HERC6: variants seen among roughly 807,000 people sequenced by gnomAD.
HERC6 encodes HECT and RLD domain containing E3 ubiquitin protein ligase family member 6.
Under a neutral mutation model 114.5 loss-of-function variants are expected in HERC6, and 101 were observed. The ratio of observed to expected loss-of-function variants is 0.88; its 90% CI spans 0.75 to 1.04. The LOEUF (loss-of-function observed/expected upper bound fraction) is 1.04. HERC6 is among the 50% of genes least tolerant of loss of function. The probability of loss-of-function intolerance (pLI) is 0.00; values close to 1 mark genes in which losing one functional copy is unlikely to be tolerated. For synonymous variants in HERC6, 408 were observed against 436.2 expected (o/e 0.94, Z 0.81); for missense variants, 1,133 against 1,230.9 (o/e 0.92, Z 1.19).
At position 88,379,121 on chromosome 4, in the gene HERC6, G is replaced by A. The variant is rs1480698169; in HGVS notation, c.199+1G>A. 1 of 1,538,894 alleles carries A rather than the reference G, an allele frequency of 6.5e-7. No homozygotes were observed. Among genetic ancestry groups the A allele is most frequent in the Non-Finnish European group, 8.7e-7 (1 of 1,145,012 alleles). On this transcript the variant is annotated splice_donor_variant, in intron 1 of 22. Transcript: ENST00000264346. LOFTEE classifies it high-confidence loss of function. ...GGCGCGCAGCGCGGGGAGCTGCCAGGTGAGCGGGGGGCCCCAGGTGCAGGG... is the reference window on the plus strand; with the variant it reads ...GGCGCGCAGCGCGGGGAGCTGCCAGATGAGCGGGGGGCCCCAGGTGCAGGG...
chr4:88,400,101 G>A (rs1180344027), intron 8 of HERC6, among the ~76,000 whole-genome samples: 1 of 152,188 alleles, frequency 6.6e-6, no homozygotes, highest in Non-Finnish European at 1.5e-5. Flanking sequence ...TGTGAGGGGG[G>A]ACCCATCTGA....
chr4:88,428,805 T>C (rs911583183), intron 16 of HERC6, 55 bp downstream of exon 16: 1 of 1,374,266 alleles, frequency 7.3e-7, no homozygotes, highest in African/African-American at 1.5e-5. Context: ...GATGCATTCA[T>C]ATGATGTAAC....
rs1376949084 is a variant in HERC6, at chr4:88,390,838, A to T, written c.623A>T (p.Asn208Ile). 5 of 1,614,104 alleles carry T rather than the reference A, an allele frequency of 3.1e-6. No homozygotes were observed. ...LCGTSFGWGS[N>I]SAGQLALSGR... The stretch of plus-strand genomic sequence containing the variant: ...GGGACTTCGTTTGGCTGGGGAAGTA[A>T]CAGTGCCGGGCAGCTGGCCCTCAGT... Residue 208 changes from asparagine (N) to isoleucine (I), a missense_variant, in exon 4 of 23, where the codon AAC (asparagine) becomes ATC (isoleucine). Coordinates refer to ENST00000264346, the MANE Select transcript of HERC6 (RefSeq NM_017912.4).
intron 11 of HERC6, among the ~76,000 whole-genome samples, chr4:88,409,145 T>C (rs761651319): frequency 3.1e-4 from 47 of 152,252 alleles, no homozygotes; most frequent in Admixed American, 1.5e-3. Flanking sequence ...GCAAATCTTA[T>C]GACCTCCAGA....
At chr4:88,422,339 G>T (rs1036498322) in intron 13 of HERC6, among the ~76,000 whole-genome samples, 2 of 152,078 alleles carry the variant, frequency 1.3e-5, no homozygotes, top group African/African-American at 4.8e-5. Flanking sequence ...AGGACAACCA[G>T]TATAATGTTT....
At position 88,400,115 on chromosome 4, in the gene HERC6, G is replaced by A. The variant is rs1184356501; in HGVS notation, c.1092+1906G>A. ...ATGTGAGGGGGGACCCATCTGAAATGTGCTTGGAAAGGAGACCTAGAGACT... is the reference window on the plus strand; with the variant it reads ...ATGTGAGGGGGGACCCATCTGAAATATGCTTGGAAAGGAGACCTAGAGACT... On this transcript the variant is annotated intron_variant, in intron 8 of 22. Transcript: ENST00000264346. 2.0e-5 allele frequency among the ~76,000 whole-genome samples: 3 copies of A among 152,242 alleles called. No homozygotes were observed. In the East Asian group the frequency reaches 5.8e-4, roughly 29 times the overall value.
At chr4:88,381,882 G>A (rs925374692) in intron 1 of HERC6, among the ~76,000 whole-genome samples, 3 of 152,036 alleles carry the variant, frequency 2.0e-5, no homozygotes, top group African/African-American at 7.3e-5. Context: ...CCAGAGATGG[G>A]AGCTTCTCAC....
chr4:88,436,713 T>C (rs1462302298), intron 18 of HERC6, among the ~76,000 whole-genome samples, 192 bp from the exon 19 acceptor site: 1 of 152,158 alleles, frequency 6.6e-6, no homozygotes, highest in East Asian at 1.9e-4. Context: ...GTCTATGTAG[T>C]AACAATGGTC....
At chr4:88,380,346 TAATATA>T (rs1189680341) in intron 1 of HERC6, among the ~76,000 whole-genome samples, 2 of 12,230 alleles carry the variant, frequency 1.6e-4, no homozygotes, top group Non-Finnish European at 2.5e-4. Context: ...AATATATATA[TAATATA>T]AATATATATA....
At chr4:88,397,581 C>T (rs1225796464) in intron 7 of HERC6, among the ~76,000 whole-genome samples, 1 of 151,678 alleles carries the variant, frequency 6.6e-6, no homozygotes, top group Admixed American at 6.6e-5. Flanking sequence ...CCTGTAATCC[C>T]AGCTACCTAG....
intron 15 of HERC6, among the ~76,000 whole-genome samples, chr4:88,426,436 G>A (rs1234799150): frequency 1.3e-5 from 2 of 151,470 alleles, no homozygotes; most frequent in South Asian, 2.1e-4. Flanking sequence ...CCAAAGTGCT[G>A]GGATTACAGG....
chr4:88,430,057 A>G (rs945798625), intron 16 of HERC6, among the ~76,000 whole-genome samples: 2 of 152,204 alleles, frequency 1.3e-5, no homozygotes, highest in Non-Finnish European at 2.9e-5. Context: ...CAGAAGGGAA[A>G]GTGGGGCAGG....
rs1738151878 is a variant in HERC6, at chr4:88,431,098, C to T, written c.2107-64C>T. 6.2e-6 allele frequency: 9 copies of T among 1,462,814 alleles called. No individual in the cohort carries two copies. The South Asian group carries it at 6.4e-5, about 10-fold the overall frequency. 90.6% of individuals were successfully genotyped at this position (1,462,814 alleles called of 1,614,324 possible). ...AAGAATGGTCGTTAGAGGTTTAAAA[C>T]TTCCATAAAGCTCAAAACATTGTAT... On this transcript the variant is annotated intron_variant, in intron 16 of 22. Coordinates refer to ENST00000264346, the MANE Select transcript of HERC6 (RefSeq NM_017912.4).
intron 3 of HERC6, 26 bp from the exon 4 acceptor site, chr4:88,390,626 T>C (rs760509395): frequency 1.3e-5 from 20 of 1,564,798 alleles, no homozygotes; most frequent in Non-Finnish European, 1.7e-5. Flanking sequence ...ATGTGTACAA[T>C]TCTTAATTTC....
chr4:88,438,125 CAAAAAAAAAA>C, intron 20 of HERC6, among the ~76,000 whole-genome samples: 1 of 43,952 alleles, frequency 2.3e-5, no homozygotes, highest in African/African-American at 8.4e-5. Flanking sequence ...GACTGTGTCT[CAAAAAAAAAA>C]AAAAAAAAAA....
intron 12 of HERC6, among the ~76,000 whole-genome samples, chr4:88,414,310 ATT>A (rs58308049): frequency 5.0e-4 from 74 of 148,458 alleles, no homozygotes; most frequent in African/African-American, 1.5e-3. Context: ...GACTCTACCA[ATT>A]TTTTTTTTTT....
intron 20 of HERC6, 127 bp from the exon 21 acceptor site, chr4:88,439,747 G>T (rs889132895): frequency 1.2e-6 from 1 of 847,766 alleles, no homozygotes; most frequent in Admixed American, 3.6e-5. Flanking sequence ...CAACATTCTT[G>T]TGCTATATAG....
At chr4:88,411,823 T>C (rs973909239) in intron 11 of HERC6, among the ~76,000 whole-genome samples, 1 of 152,184 alleles carries the variant, frequency 6.6e-6, no homozygotes, top group African/African-American at 2.4e-5. Context: ...TTGGGTTGGC[T>C]AGCAGATGAG....
chr4:88,394,559 T>TTA (rs1553913959), intron 5 of HERC6, among the ~76,000 whole-genome samples: 3 of 138,690 alleles, frequency 2.2e-5, no homozygotes, highest in Admixed American at 7.1e-5. Flanking sequence ...TATTATTATT[T>TTA]TTTGAGACAG....
Sources: allele counts gnomAD v4.1 joint callset (sites outside exome capture counted in the v4.1 genomes callset), GRCh38; gene constraint gnomAD v4.1.1; transcripts MANE v1.5; gene names NCBI Gene and HGNC (gene_info 2026-07-23, HGNC 2026-07-21).